The following CNTNAP2 variants were observed in gnomAD, a reference collection of about 807,000 sequenced individuals.
CNTNAP2 encodes contactin-associated protein-like 2.
In CNTNAP2, 98 loss-of-function variants were observed where a neutral mutation model predicts 155.2. The observed-to-expected ratio is 0.63, with a 90% CI of 0.54 to 0.75. The LOEUF is 0.75. CNTNAP2 is among the 30% of genes least tolerant of loss of function. The probability of loss-of-function intolerance (pLI) is 0.00; values close to 1 mark genes in which losing one functional copy is unlikely to be tolerated. For synonymous variants in CNTNAP2, 651 were observed against 631.2 expected (o/e 1.03, Z -0.47); for missense variants, 1,727 against 1,688.1 (o/e 1.02, Z -0.40).
At chr7:146,660,272 A>G (rs1038294522) in intron 1 of CNTNAP2, among the ~76,000 whole-genome samples, 14 of 152,184 alleles carry the variant, frequency 9.2e-5, no homozygotes, top group African/African-American at 3.4e-4. Flanking sequence ...TGAATCCCTT[A>G]TAAAACAGAC....
At chr7:148,143,008 T>C (rs1241432568) in intron 16 of CNTNAP2, among the ~76,000 whole-genome samples, 2 of 152,260 alleles carry the variant, frequency 1.3e-5, no homozygotes, top group South Asian at 2.1e-4. Flanking sequence ...TGCCACCTTA[T>C]GTATTTCTCT....
chr7:148,213,748 C>T (rs1795588822), intron 18 of CNTNAP2, among the ~76,000 whole-genome samples: 1 of 151,896 alleles, frequency 6.6e-6, no homozygotes, highest in Non-Finnish European at 1.5e-5. Flanking sequence ...CCTGACTCCT[C>T]CTCCCTCCCC....
At chr7:147,179,180 T>G in intron 8 of CNTNAP2, among the ~76,000 whole-genome samples, 1 of 152,202 alleles carries the variant, frequency 6.6e-6, no homozygotes, top group East Asian at 1.9e-4. Flanking sequence ...CTTTCAACAA[T>G]TATATAGTGA....
chr7:148,179,310 A>G (rs973471141), intron 18 of CNTNAP2, among the ~76,000 whole-genome samples: 2 of 152,136 alleles, frequency 1.3e-5, no homozygotes, highest in Non-Finnish European at 2.9e-5. Flanking sequence ...GGAGTTCAAG[A>G]CCAGCCTGGG....
chr7:147,495,500 A>G (rs1363252839), intron 11 of CNTNAP2, among the ~76,000 whole-genome samples: 1 of 152,206 alleles, frequency 6.6e-6, no homozygotes, highest in Non-Finnish European at 1.5e-5. Context: ...GAATAATAGT[A>G]TGTGCCTGCC....
intron 18 of CNTNAP2, among the ~76,000 whole-genome samples, chr7:148,215,703 T>C (rs1007841787): frequency 2.0e-5 from 3 of 152,142 alleles, no homozygotes; most frequent in Non-Finnish European, 4.4e-5. Flanking sequence ...GTGTATTATA[T>C]AGTTTACTTA....
intron 21 of CNTNAP2, among the ~76,000 whole-genome samples, chr7:148,304,181 A>T (rs1797446420): frequency 1.3e-5 from 2 of 152,352 alleles, no homozygotes; most frequent in East Asian, 3.9e-4. Flanking sequence ...CAAAACAGGA[A>T]ATTAGATTGT....
At chr7:148,029,042 T>G (rs1802421150) in intron 15 of CNTNAP2, among the ~76,000 whole-genome samples, 1 of 152,236 alleles carries the variant, frequency 6.6e-6, no homozygotes, top group Non-Finnish European at 1.5e-5. Flanking sequence ...ATTTCATTAT[T>G]TTCAGGCAGC....
intron 1 of CNTNAP2, among the ~76,000 whole-genome samples, chr7:146,352,750 G>GTTTTTTTTGTTTTTTTTT (rs1794934824): frequency 3.1e-5 from 2 of 64,338 alleles, no homozygotes; most frequent in African/African-American, 1.3e-4. Flanking sequence ...GCATAATTCT[G>GTTTTTTTTGTTTTTTTTT]TTTTTTTTTT....
intron 1 of CNTNAP2, among the ~76,000 whole-genome samples, chr7:146,610,049 G>A (rs144690343): frequency 1.3e-5 from 2 of 152,276 alleles, no homozygotes; most frequent in East Asian, 1.9e-4. Flanking sequence ...GCTGAAACTC[G>A]GCGAGAACCA....
intron 9 of CNTNAP2, among the ~76,000 whole-genome samples, chr7:147,371,150 G>A (rs750320324): frequency 1.2e-4 from 19 of 152,038 alleles, no homozygotes; most frequent in South Asian, 4.1e-4. Flanking sequence ...TGAAGACATT[G>A]ATATGAAGAT....
chr7:146,576,334 A>G (rs1019652675), intron 1 of CNTNAP2, among the ~76,000 whole-genome samples: 3 of 152,220 alleles, frequency 2.0e-5, no homozygotes, highest in African/African-American at 7.2e-5. Context: ...ACCAGCTTAC[A>G]TCTTCCACAC....
At chr7:146,517,681 G>A (rs966217921) in intron 1 of CNTNAP2, among the ~76,000 whole-genome samples, 11 of 151,816 alleles carry the variant, frequency 7.2e-5, no homozygotes, top group African/African-American at 2.2e-4. Flanking sequence ...ACTTTGGCAG[G>A]TTTGTAAAGA....
At chr7:147,573,018 C>T (rs13232091) in intron 12 of CNTNAP2, among the ~76,000 whole-genome samples, 68,960 of 151,780 alleles carry the variant, frequency 0.45, 15,864 homozygotes, top group East Asian at 0.61. Flanking sequence ...TGTCTTTGTC[C>T]AATCACCACA....
At chr7:146,609,497 GAAAATTGAAACATCAGT>G (rs1481144861) in intron 1 of CNTNAP2, among the ~76,000 whole-genome samples, 1 of 152,084 alleles carries the variant, frequency 6.6e-6, no homozygotes, top group Non-Finnish European at 1.5e-5. Context: ...ATCTACATTT[GAAAATTGAAACATCAGT>G]CTGTTTGCTG....
intron 13 of CNTNAP2, among the ~76,000 whole-genome samples, chr7:147,867,176 T>G (rs1376146030): frequency 6.6e-6 from 1 of 152,180 alleles, no homozygotes; most frequent in Non-Finnish European, 1.5e-5. Flanking sequence ...TTTGCTTGTG[T>G]GTAAAGGATT....
At position 147,903,714 on chromosome 7, in the gene CNTNAP2, A is replaced by G; in HGVS notation, c.2248A>G (p.Lys750Glu). The change falls in exon 14 of 24, where the codon AAG (lysine) becomes GAG (glutamate). Residue 750 changes from lysine to glutamate, a missense_variant. By Grantham distance (56) the Lys-to-Glu change is moderately conservative. Transcript: ENST00000361727. ...KYYCNCDADY[K>E]QWRKDAGFLS... is the part of the protein sequence containing the mutation. ...CTACTGTAACTGCGACGCGGACTAC[A>G]AGCAATGGTGAGTGCCTGCGGGCAG... 2 of 1,613,682 alleles carry G rather than the reference A, an allele frequency of 1.2e-6. No individual in the cohort carries two copies. Among genetic ancestry groups the G allele is most frequent in the Non-Finnish European group, 1.7e-6 (2 of 1,179,860 alleles).
intron 12 of CNTNAP2, among the ~76,000 whole-genome samples, chr7:147,617,916 T>G (rs554526690): frequency 1.3e-5 from 2 of 152,290 alleles, no homozygotes; most frequent in African/African-American, 4.8e-5. Flanking sequence ...TGTATAAGAC[T>G]GCAAAGCTTT....
chr7:147,578,487 C>T (rs1800440135), intron 12 of CNTNAP2, among the ~76,000 whole-genome samples: 1 of 151,880 alleles, frequency 6.6e-6, no homozygotes, highest in Non-Finnish European at 1.5e-5. Context: ...CTCCCATTAA[C>T]GGTAGTGTAG....
Sources: allele counts gnomAD v4.1 joint callset (sites outside exome capture counted in the v4.1 genomes callset), GRCh38; gene constraint gnomAD v4.1.1; transcripts MANE v1.5; gene names NCBI Gene and HGNC (gene_info 2026-07-23, HGNC 2026-07-21).